Variants in SYT16 observed in about 807,000 individuals in gnomAD.
SYT16 encodes the protein synaptotagmin-16.
A neutral mutation model predicts 61.4 loss-of-function variants in SYT16; 42 were observed. That is an observed-to-expected ratio of 0.68 (90% CI 0.53 to 0.89). SYT16 has a LOEUF of 0.89. Ranked by LOEUF, SYT16 falls within the 40% of genes least tolerant of loss-of-function variation. The pLI, the probability that SYT16 is intolerant of heterozygous loss-of-function variation, is 0.00. For synonymous variants in SYT16, 314 were observed against 302.3 expected (o/e 1.04, Z -0.40); for missense variants, 804 against 807.3 (o/e 1.00, Z 0.05).
At chr14:61,897,312 A>G (rs2048358720) in intron 1 of SYT16, 1 of 152,214 alleles carries the variant, frequency 6.6e-6, no homozygotes. Flanking sequence ...GAGGAATTTA[A>G]GGAGACAGCA....
chr14:62,058,278 TG>T (rs2140909922), intron 3 of SYT16, among the ~76,000 whole-genome samples: 1 of 152,166 alleles, frequency 6.6e-6, no homozygotes, highest in African/African-American at 2.4e-5. Context: ...TTGTTTTTCT[TG>T]GGAAAATATC....
At chr14:62,046,610 A>C (rs1290847355) in intron 3 of SYT16, among the ~76,000 whole-genome samples, 18 of 152,254 alleles carry the variant, frequency 1.2e-4, no homozygotes, top group Admixed American at 6.5e-4. Context: ...GTCTTTAATC[A>C]ATCTTGAATT....
At chr14:61,946,862 A>G (rs1433070601) in intron 1 of SYT16, among the ~76,000 whole-genome samples, 1 of 152,198 alleles carries the variant, frequency 6.6e-6, no homozygotes, top group East Asian at 1.9e-4. Context: ...GGAGGCATAG[A>G]ACTGTCTTTA....
At chr14:62,080,624 G>A (rs996990029) in intron 5 of SYT16, among the ~76,000 whole-genome samples, 2 of 152,210 alleles carry the variant, frequency 1.3e-5, no homozygotes, top group South Asian at 2.1e-4. Flanking sequence ...AAACATTCAC[G>A]AAGGCGCACC....
intron 4 of SYT16, among the ~76,000 whole-genome samples, chr14:62,070,387 GTAGT>G: frequency 6.6e-6 from 1 of 152,260 alleles, no homozygotes; most frequent in East Asian, 1.9e-4. Flanking sequence ...CTCAGTCCCT[GTAGT>G]TTCTGACACA....
At chr14:61,983,492 A>T (rs2140570809) in intron 2 of SYT16, among the ~76,000 whole-genome samples, 1 of 152,194 alleles carries the variant, frequency 6.6e-6, no homozygotes, top group Non-Finnish European at 1.5e-5. Flanking sequence ...ACAGTTCTTG[A>T]TACTTTTGAA....
intron 1 of SYT16, among the ~76,000 whole-genome samples, chr14:61,923,918 T>C (rs1003049622): frequency 6.6e-6 from 1 of 152,186 alleles, no homozygotes; most frequent in Non-Finnish European, 1.5e-5. Context: ...TCACAATTAA[T>C]GTATTTTGTG....
intron 1 of SYT16, among the ~76,000 whole-genome samples, chr14:61,838,743 A>G (rs1405972942): frequency 6.6e-6 from 1 of 152,252 alleles, no homozygotes; most frequent in Non-Finnish European, 1.5e-5. Context: ...TAAGGACTCA[A>G]AAACTCCAAA....
chr14:61,978,443 G>A (rs986115976), intron 2 of SYT16, among the ~76,000 whole-genome samples: 5 of 152,210 alleles, frequency 3.3e-5, no homozygotes, highest in Non-Finnish European at 5.9e-5. Flanking sequence ...TTAGCAGTCA[G>A]GGTATTTTCT....
At chr14:62,070,872 C>T (rs1050558012) in intron 4 of SYT16, among the ~76,000 whole-genome samples, 1 of 151,974 alleles carries the variant, frequency 6.6e-6, no homozygotes, top group Non-Finnish European at 1.5e-5. Flanking sequence ...TATTTTCAAA[C>T]CCAGACAGAT....
chr14:61,958,485 A>C (rs2050975062), intron 1 of SYT16, among the ~76,000 whole-genome samples: 1 of 151,890 alleles, frequency 6.6e-6, no homozygotes, highest in African/African-American at 2.4e-5. Context: ...TGTCTTGATA[A>C]ATATTAATTT....
intron 1 of SYT16, among the ~76,000 whole-genome samples, chr14:61,880,871 C>T (rs2047674917): frequency 6.6e-6 from 1 of 151,980 alleles, no homozygotes; most frequent in African/African-American, 2.4e-5. Context: ...ATAACACTTG[C>T]AAAAATGATG....
Position 62,075,092 on chromosome 14 carries a change from TA to T in SYT16, c.737-38del, listed in dbSNP as rs1003753137. On this transcript the variant is annotated intron_variant, in intron 4 of 7. Transcript: ENST00000683842. ...TCAATTTCTCTAGGTAAAAAGGTGTTAAAAATAATGCATTTGAAATGGTTTT... is the reference window on the plus strand; with the variant it reads ...TCAATTTCTCTAGGTAAAAAGGTGTTAAAATAATGCATTTGAAATGGTTTT... The T allele has an allele frequency of 3.2e-6, 5 of 1,553,066 alleles. No homozygotes were observed. The African/African-American group carries it at 6.8e-5, about 21-fold the overall frequency.
chr14:61,851,317 G>C (rs1296656195), intron 1 of SYT16, among the ~76,000 whole-genome samples: 9 of 152,126 alleles, frequency 5.9e-5, no homozygotes, highest in African/African-American at 2.2e-4. Context: ...TCATTGATGG[G>C]CATTTAGGTT....
chr14:62,068,723 A>G (rs967178738), intron 3 of SYT16, among the ~76,000 whole-genome samples: 2 of 152,188 alleles, frequency 1.3e-5, no homozygotes. Context: ...TGGGTTGTTG[A>G]TGCTGAGAAA....
intron 3 of SYT16, among the ~76,000 whole-genome samples, chr14:62,040,343 A>C (rs1384299235): frequency 1.3e-5 from 2 of 152,220 alleles, no homozygotes; most frequent in Non-Finnish European, 2.9e-5. Context: ...GGTCAAAGTT[A>C]ACATCTGCCT....
At chr14:61,935,860 T>C (rs2049960941) in intron 1 of SYT16, among the ~76,000 whole-genome samples, 1 of 152,240 alleles carries the variant, frequency 6.6e-6, no homozygotes. Flanking sequence ...AAACATTTTG[T>C]TATGTGTTTT....
intron 1 of SYT16, among the ~76,000 whole-genome samples, chr14:61,862,000 G>A (rs1432337567): frequency 6.6e-6 from 1 of 152,028 alleles, no homozygotes; most frequent in East Asian, 1.9e-4. Flanking sequence ...CTTGATGTAG[G>A]GTTGCTACAA....
At chr14:61,956,690 T>C (rs192633536) in intron 1 of SYT16, among the ~76,000 whole-genome samples, 2 of 152,072 alleles carry the variant, frequency 1.3e-5, no homozygotes, top group Admixed American at 1.3e-4. Flanking sequence ...TGCCATGCTG[T>C]TTTGATGACT....
Sources: gnomAD v4.1 joint callset for allele counts (sites outside exome capture counted in the v4.1 genomes callset) on GRCh38, gnomAD v4.1.1 for gene constraint, MANE v1.5 for transcripts, NCBI Gene and HGNC (gene_info 2026-07-23, HGNC 2026-07-21) for gene names.